Variants in COL25A1 observed in about 807,000 individuals in gnomAD.
COL25A1 encodes the protein collagen type XXV alpha 1 chain.
A neutral mutation model predicts 128.4 loss-of-function variants in COL25A1; 103 were observed. The ratio of observed to expected loss-of-function variants is 0.80; its 90% CI spans 0.68 to 0.94. The LOEUF is 0.94. Ranked by LOEUF, COL25A1 falls within the 40% of genes least tolerant of loss-of-function variation. COL25A1 has a pLI of 0.00. For synonymous variants in COL25A1, 279 were observed against 277.2 expected, an observed-to-expected ratio of 1.01 and a Z score of -0.06; for missense variants, 745 against 840.0, an observed-to-expected ratio of 0.89 and a Z score of 1.40.
chr4:109,182,817 GT>G (rs1774789231), intron 3 of COL25A1, among the ~76,000 whole-genome samples: 1 of 152,044 alleles, frequency 6.6e-6, no homozygotes, highest in Non-Finnish European at 1.5e-5. Flanking sequence ...CCCAGCAGGT[GT>G]TAGGATAAAT....
chr4:108,845,104 A>T (rs1734928721), intron 29 of COL25A1, 85 bp downstream of exon 29: 1 of 1,148,732 alleles, frequency 8.7e-7, no homozygotes, highest in Non-Finnish European at 1.3e-6. Flanking sequence ...TTGTGCAGCC[A>T]TCTGGCAGAG....
intron 3 of COL25A1, among the ~76,000 whole-genome samples, chr4:109,139,063 T>C (rs915087481): frequency 6.6e-6 from 1 of 152,130 alleles, no homozygotes; most frequent in Non-Finnish European, 1.5e-5. Context: ...ATTTCTCTAA[T>C]GACCAGTGAT....
intron 3 of COL25A1, among the ~76,000 whole-genome samples, chr4:109,163,364 C>T (rs1772763825): frequency 6.6e-6 from 1 of 152,172 alleles, no homozygotes; most frequent in Non-Finnish European, 1.5e-5. Context: ...AAATTGTTTC[C>T]ACCAGATACA....
chr4:109,277,079 C>CA (rs1722920943), intron 3 of COL25A1, among the ~76,000 whole-genome samples: 1 of 152,182 alleles, frequency 6.6e-6, no homozygotes, highest in Non-Finnish European at 1.5e-5. Flanking sequence ...CTAAACAAAA[C>CA]AAAATACTGC....
chr4:109,156,106 T>C (rs1023369056), intron 3 of COL25A1, among the ~76,000 whole-genome samples: 16 of 152,208 alleles, frequency 1.1e-4, no homozygotes, highest in Non-Finnish European at 2.2e-4. Context: ...GCAGGAGCTC[T>C]AATTTGACCT....
At chr4:108,925,214 C>T (rs1036134759) in intron 11 of COL25A1, among the ~76,000 whole-genome samples, 6 of 151,868 alleles carry the variant, frequency 4.0e-5, no homozygotes, top group Middle Eastern at 3.2e-3. Context: ...AAATGCATAC[C>T]CCTGGACTTC....
chr4:109,024,772 G>A (rs963484753), intron 5 of COL25A1, among the ~76,000 whole-genome samples: 3 of 104,010 alleles, frequency 2.9e-5, no homozygotes, highest in East Asian at 3.8e-4. Context: ...TTTTGAATTC[G>A]AGTTTCTTTC....
intron 24 of COL25A1, 49 bp downstream of exon 24, chr4:108,859,607 T>G (rs200644637): frequency 6.6e-7 from 1 of 1,518,652 alleles, no homozygotes; most frequent in East Asian, 2.3e-5. Flanking sequence ...ACATGGGTGC[T>G]CCTCAGCATC....
intron 3 of COL25A1, among the ~76,000 whole-genome samples, chr4:109,206,141 A>G (rs1422372458): frequency 6.6e-6 from 1 of 152,182 alleles, no homozygotes; most frequent in African/African-American, 2.4e-5. Flanking sequence ...CTTTTCTCTA[A>G]CGTTATCTTA....
chr4:108,872,701 CACACACATATACATATAT>C lies in COL25A1; in HGVS notation c.1021-3569_1021-3552del. 1.3e-5 allele frequency among the ~76,000 whole-genome samples: 2 copies of C among 151,584 alleles called. 1 individual carries two copies. The highest frequency in any genetic ancestry group is 1.3e-4 in the Admixed American group (2 of 15,210). On this transcript the variant is annotated intron_variant, in intron 19 of 37. Coordinates refer to ENST00000399132, the MANE Select transcript of COL25A1 (RefSeq NM_198721.4). The stretch of plus-strand genomic sequence containing the variant: ...GATTTGATATATATATACACACACA[CACACACATATACATATAT>C]ACACACACACATACATATACATATA...
Position 108,825,214 on chromosome 4 carries a change from A to G in COL25A1, c.1773T>C (p.Asp591=). 6.2e-7 allele frequency: 1 copy of G among 1,611,254 alleles called. No individual in the cohort carries two copies. Among genetic ancestry groups the G allele is most frequent in the Non-Finnish European group, 8.5e-7 (1 of 1,177,638 alleles). Residue 591 remains aspartate (D), a synonymous_variant, in exon 34 of 38, where the codon GAT becomes GAC. Transcript: ENST00000399132. The part of the protein sequence containing the change: ...PRGPYGLPGK[D]GEPGLDGFPG... ...TACTTACATCAAGACCAGGCTCTCC[A>G]TCTTTCCCCTGCCAAAGAACCATAG...
At chr4:109,145,828 C>T (rs1488857804) in intron 3 of COL25A1, among the ~76,000 whole-genome samples, 1 of 151,768 alleles carries the variant, frequency 6.6e-6, no homozygotes, top group East Asian at 1.9e-4. Context: ...GCAACAAGAG[C>T]TAAATTCCAT....
intron 3 of COL25A1, among the ~76,000 whole-genome samples, chr4:109,165,999 C>CT (rs1323035429): frequency 1.3e-5 from 2 of 152,000 alleles, no homozygotes; most frequent in African/African-American, 2.4e-5. Context: ...AAAAAAATGA[C>CT]TTTTTTAGTT....
At chr4:108,936,917 T>C (rs1055100400) in intron 11 of COL25A1, among the ~76,000 whole-genome samples, 2 of 151,506 alleles carry the variant, frequency 1.3e-5, no homozygotes, top group Admixed American at 6.6e-5. Flanking sequence ...AGTGCTAAGA[T>C]TACAGGTATG....
chr4:108,957,229 A>G (rs1208944358), intron 8 of COL25A1, among the ~76,000 whole-genome samples: 1 of 152,108 alleles, frequency 6.6e-6, no homozygotes, highest in Non-Finnish European at 1.5e-5. Flanking sequence ...GTAAGAGGGG[A>G]AAAACTGTTC....
intron 35 of COL25A1, among the ~76,000 whole-genome samples, chr4:108,820,242 C>T (rs1474410172): frequency 6.6e-6 from 1 of 152,152 alleles, no homozygotes. Context: ...TTGAAGCCAG[C>T]CAGTGGCAGA....
chr4:109,235,330 G>C (rs993432825), intron 3 of COL25A1, among the ~76,000 whole-genome samples: 2 of 152,080 alleles, frequency 1.3e-5, no homozygotes, highest in African/African-American at 4.8e-5. Flanking sequence ...ATTCATAACA[G>C]GCTTTGAAAA....
Position 108,869,132 on chromosome 4 carries a change from C to T in COL25A1, c.1039G>A (p.Gly347Ser). The part of the protein sequence containing the change: ...PGIKGEPGFI[G>S]PQGEPGLPGL... ...GGTAAGCCTGGTTCTCCTTGAGGAC[C>T]AATGAAACCTGGTTCTCCCTTTAAA... The change falls in exon 20 of 38, where the codon GGT becomes AGT. Residue 347 changes from glycine (G) to serine (S), a missense_variant. Around this residue, in one of 3 missense-constraint regions of COL25A1, gnomAD observed 387 missense variants for 441.9 expected, o/e 0.88. Coordinates refer to ENST00000399132, the MANE Select transcript of COL25A1 (RefSeq NM_198721.4). The T allele has an allele frequency of 6.5e-7, 1 of 1,542,748 alleles. No individual in the cohort carries two copies. The highest frequency in any genetic ancestry group is 8.7e-7 in the Non-Finnish European group (1 of 1,150,656).
chr4:109,189,395 A>G (rs1397796080), intron 3 of COL25A1, among the ~76,000 whole-genome samples: 1 of 151,932 alleles, frequency 6.6e-6, no homozygotes, highest in Non-Finnish European at 1.5e-5. Context: ...TAAAAACACA[A>G]AAATTAGCTA....
Sources: allele counts gnomAD v4.1 joint callset (sites outside exome capture counted in the v4.1 genomes callset), GRCh38; gene constraint gnomAD v4.1.1; regional missense constraint gnomAD v4.1.1; transcripts MANE v1.5; gene names NCBI Gene and HGNC (gene_info 2026-07-23, HGNC 2026-07-21).